Variants in RGS20 observed in about 807,000 individuals in gnomAD.
RGS20 encodes the protein regulator of G protein signaling 20.
In RGS20, 30 loss-of-function variants were observed where a neutral mutation model predicts 33.6. The ratio of observed to expected loss-of-function variants is 0.89; its 90% CI spans 0.67 to 1.21. The LOEUF is 1.21. RGS20 is among the 50% of genes most tolerant of loss of function. The pLI, the probability that RGS20 is intolerant of heterozygous loss-of-function variation, is 0.00. For synonymous variants in RGS20, 208 were observed against 197.9 expected, an observed-to-expected ratio of 1.05 and a Z score of -0.43; for missense variants, 472 against 502.4, an observed-to-expected ratio of 0.94 and a Z score of 0.58.
intron 1 of RGS20, among the ~76,000 whole-genome samples, chr8:53,854,596 A>C (rs911617262): frequency 2.6e-5 from 4 of 152,220 alleles, no homozygotes; most frequent in African/African-American, 9.6e-5. Context: ...GAATTGCTAA[A>C]ATGGCTAAAA....
chr8:53,862,282 A>T (rs142780245), intron 1 of RGS20, among the ~76,000 whole-genome samples: 146 of 152,304 alleles, frequency 9.6e-4, no homozygotes, highest in African/African-American at 3.4e-3. Flanking sequence ...TTCATACATC[A>T]CTCCTGCTCA....
intron 1 of RGS20, among the ~76,000 whole-genome samples, chr8:53,856,600 G>T (rs1811675766): frequency 6.6e-6 from 1 of 152,180 alleles, no homozygotes; most frequent in African/African-American, 2.4e-5. Context: ...GTGAACTCTA[G>T]CCAGCAGTTT....
chr8:53,885,650 G>C (rs1011924462), intron 2 of RGS20, among the ~76,000 whole-genome samples: 14 of 152,082 alleles, frequency 9.2e-5, no homozygotes, highest in African/African-American at 3.4e-4. Context: ...AGACTTTCTA[G>C]TGAACATCTG....
intron 4 of RGS20, among the ~76,000 whole-genome samples, chr8:53,948,038 T>C (rs1310670404): frequency 7.4e-6 from 1 of 135,882 alleles, no homozygotes; most frequent in African/African-American, 2.7e-5. Context: ...TATATAAGTA[T>C]ATATGCTATA....
intron 5 of RGS20, among the ~76,000 whole-genome samples, chr8:53,956,881 C>T (rs1448214787): frequency 6.6e-6 from 1 of 152,158 alleles, no homozygotes; most frequent in Non-Finnish European, 1.5e-5. Flanking sequence ...GGCACAGTGG[C>T]TCACGCCTGT....
Position 53,959,145 on chromosome 8 carries a change from T to C in RGS20, c.*687T>C, listed in dbSNP as rs1292464748. On this transcript the variant is annotated 3_prime_UTR_variant, in exon 6 of 6. Coordinates refer to ENST00000297313, the MANE Select transcript of RGS20 (RefSeq NM_170587.4). The stretch of plus-strand genomic sequence containing the variant: ...CTTTTGTTGAAAAGAGTTACTGTTA[T>C]TATCAGAATTTGCCAACCTAAAGAA... 6.6e-6 allele frequency: 1 copy of C among 152,226 alleles called. No homozygotes were observed. The highest frequency in any genetic ancestry group is 2.4e-5 in the African/African-American group (1 of 41,454). The allele number at this position is 152,226 out of a possible 1,614,324, so 9.4% of individuals were successfully genotyped here. A position where few individuals can be genotyped will look rare whatever the true frequency, so the allele number is the denominator to read the frequency against.
chr8:53,936,411 C>T (rs1814137535), intron 2 of RGS20, among the ~76,000 whole-genome samples: 1 of 152,148 alleles, frequency 6.6e-6, no homozygotes, highest in Non-Finnish European at 1.5e-5. Context: ...TCTCAGGATA[C>T]AAAATCAATG....
chr8:53,880,763 C>A, intron 2 of RGS20, 109 bp from the exon 1 acceptor site: 1 of 1,032,952 alleles, frequency 9.7e-7, no homozygotes, highest in Non-Finnish European at 1.3e-6. Context: ...CGCGTGGGGC[C>A]TCGGGGGTAC....
At chr8:53,946,534 A>AT (rs746977593) in intron 3 of RGS20, 131 bp from the exon 3 acceptor site, 916 of 810,822 alleles carry the variant, frequency 1.1e-3, no homozygotes, top group African/African-American at 2.5e-3. Context: ...AACTGGGGTC[A>AT]TTTTTTTTTC....
intron 2 of RGS20, among the ~76,000 whole-genome samples, chr8:53,932,270 C>T (rs1563411487): frequency 2.0e-5 from 3 of 152,196 alleles, no homozygotes; most frequent in South Asian, 2.1e-4. Flanking sequence ...GGAATGCCAG[C>T]GAGACAGAAC....
chr8:53,930,497 A>C (rs1470877319), intron 2 of RGS20, among the ~76,000 whole-genome samples: 1 of 152,224 alleles, frequency 6.6e-6, no homozygotes, highest in Admixed American at 6.5e-5. Flanking sequence ...TTGGGACAGC[A>C]CCATGTCACA....
intron 5 of RGS20, among the ~76,000 whole-genome samples, chr8:53,956,453 A>C (rs1233368317): frequency 1.3e-5 from 2 of 152,208 alleles, no homozygotes; most frequent in African/African-American, 4.8e-5. Context: ...AATTTGGAGA[A>C]GACCAGGGGC....
At chr8:53,931,580 AACAAC>A (rs776416087) in intron 2 of RGS20, among the ~76,000 whole-genome samples, 2 of 121,808 alleles carry the variant, frequency 1.6e-5, no homozygotes, top group Non-Finnish European at 3.6e-5. Context: ...CAACAACAAC[AACAAC>A]AACAACAAAC....
chr8:53,931,138 C>T (rs1450391254), intron 2 of RGS20, among the ~76,000 whole-genome samples: 1 of 152,172 alleles, frequency 6.6e-6, no homozygotes, highest in Non-Finnish European at 1.5e-5. Flanking sequence ...AACTCAGTAA[C>T]CCCAGCAGAG....
chr8:53,922,332 A>G (rs755396515), intron 2 of RGS20, among the ~76,000 whole-genome samples: 1 of 152,140 alleles, frequency 6.6e-6, no homozygotes, highest in African/African-American at 2.4e-5. Flanking sequence ...CCAGCTCTCT[A>G]TGGTTGCTGT....
intron 4 of RGS20, among the ~76,000 whole-genome samples, chr8:53,951,942 G>A (rs949584880): frequency 6.7e-6 from 1 of 150,206 alleles, no homozygotes; most frequent in Non-Finnish European, 1.5e-5. Flanking sequence ...GCTTGAACCC[G>A]GGAGGCAGAG....
intron 2 of RGS20, among the ~76,000 whole-genome samples, chr8:53,881,445 A>G (rs1156752851): frequency 1.3e-5 from 2 of 152,058 alleles, no homozygotes; most frequent in African/African-American, 4.8e-5. Context: ...CCCGAAGCGT[A>G]TTTCGGAAAG....
chr8:53,868,657 T>C (rs997762786), intron 1 of RGS20, among the ~76,000 whole-genome samples: 6 of 152,036 alleles, frequency 3.9e-5, no homozygotes, highest in African/African-American at 1.4e-4. Context: ...CTGGTAAATA[T>C]ATATATATAT....
chr8:53,896,258 T>A (rs1048949310), intron 2 of RGS20, among the ~76,000 whole-genome samples: 1 of 152,208 alleles, frequency 6.6e-6, no homozygotes, highest in Admixed American at 6.5e-5. Flanking sequence ...CCAACCTGTG[T>A]GACAGAGTGA....
Sources: allele counts gnomAD v4.1 joint callset (sites outside exome capture counted in the v4.1 genomes callset), GRCh38; gene constraint gnomAD v4.1.1; transcripts MANE v1.5; gene names NCBI Gene and HGNC (gene_info 2026-07-23, HGNC 2026-07-21).